Variants in USH2A observed in about 807,000 individuals in gnomAD.
USH2A encodes usherin.
Under a neutral mutation model 538.9 loss-of-function variants are expected in USH2A, and 443 were observed. The observed-to-expected ratio is 0.82, with a 90% CI of 0.76 to 0.89. USH2A has a LOEUF of 0.89. Ranked by LOEUF, USH2A falls within the 40% of genes least tolerant of loss-of-function variation. USH2A has a pLI of 0.00. For missense variants in USH2A, 6,633 were observed against 6,324.8 expected, an observed-to-expected ratio of 1.05 and a Z score of -1.65; for synonymous variants, 2,413 against 2,273.5, an observed-to-expected ratio of 1.06 and a Z score of -1.75.
At position 215,869,333 on chromosome 1, in the gene USH2A, C is replaced by T. The variant is rs922676811; in HGVS notation, c.8682-2163G>A. Among the ~76,000 whole-genome samples, 5 of 152,174 alleles carry T rather than the reference C, an allele frequency of 3.3e-5. No individual in the cohort carries two copies. In the East Asian group the frequency reaches 9.7e-4, roughly 29 times the overall value. On this transcript the variant is annotated intron_variant, in intron 43 of 71. Coordinates refer to ENST00000307340, the MANE Select transcript of USH2A (RefSeq NM_206933.4). ...ATGATAATAATAATAGTAATAATAACAATCATAATGATAATCTGTTCTGTC... is the reference window on the plus strand; with the variant it reads ...ATGATAATAATAATAGTAATAATAATAATCATAATGATAATCTGTTCTGTC...
chr1:215,845,915 C>A lies in USH2A; in HGVS notation c.8964G>T (p.Lys2988Asn), dbSNP rs1044594969. 2.5e-6 allele frequency: 4 copies of A among 1,613,732 alleles called. No individual in the cohort carries two copies. The highest frequency in any genetic ancestry group is 1.3e-5 in the African/African-American group (1 of 74,874). Residue 2988 changes from lysine to asparagine, a missense_variant, in exon 45 of 72, where the codon AAG (lysine) becomes AAT (asparagine). Physicochemically the swap from Lys to Asn is moderately conservative, Grantham distance 94. Transcript: ENST00000307340. The part of the protein sequence containing the change: ...DVNSHVIGHL[K>N]PNTEYWIFIS... ...TAAAGATCCAATACTCTGTGTTTGG[C>A]TTTAGGTGGCCAATGACATGAGAGT...
chr1:215,720,337 TG>T (rs1162216155), intron 61 of USH2A, among the ~76,000 whole-genome samples: 1 of 152,108 alleles, frequency 6.6e-6, no homozygotes, highest in Non-Finnish European at 1.5e-5. Context: ...GCCAGAAAAG[TG>T]AGATGAACAG....
intron 61 of USH2A, among the ~76,000 whole-genome samples, chr1:215,721,632 T>C (rs1386188939): frequency 6.6e-6 from 1 of 152,156 alleles, no homozygotes; most frequent in Non-Finnish European, 1.5e-5. Context: ...GTAGATTCTT[T>C]ATATGTATTT....
intron 64 of USH2A, among the ~76,000 whole-genome samples, chr1:215,652,976 T>C (rs1292533962): frequency 1.3e-5 from 2 of 152,074 alleles, no homozygotes; most frequent in Admixed American, 1.3e-4. Context: ...TGTGCACCAA[T>C]AGGAGATGGA....
chr1:216,182,027 A>G (rs542606013), intron 20 of USH2A, among the ~76,000 whole-genome samples: 1 of 152,232 alleles, frequency 6.6e-6, no homozygotes, highest in East Asian at 1.9e-4. Context: ...TCTAACTTCC[A>G]AAAGCTAAAG....
At chr1:216,117,803 CAT>C (rs1261176260) in intron 21 of USH2A, among the ~76,000 whole-genome samples, 1 of 149,314 alleles carries the variant, frequency 6.7e-6, no homozygotes, top group Admixed American at 6.8e-5. Context: ...CACAGACACA[CAT>C]ATATATATGT....
chr1:216,213,212 G>A (rs1464421892), intron 15 of USH2A, among the ~76,000 whole-genome samples: 1 of 151,924 alleles, frequency 6.6e-6, no homozygotes, highest in African/African-American at 2.4e-5. Flanking sequence ...GAACATTGCT[G>A]AATTTGTTTA....
chr1:215,874,180 A>AGATTT (rs1664696271), intron 43 of USH2A, among the ~76,000 whole-genome samples: 1 of 152,208 alleles, frequency 6.6e-6, no homozygotes, highest in Admixed American at 6.5e-5. Flanking sequence ...CACGTTCGCC[A>AGATTT]GATTTTCTAA....
At chr1:216,039,954 A>G (rs1490260095) in intron 32 of USH2A, among the ~76,000 whole-genome samples, 1 of 151,692 alleles carries the variant, frequency 6.6e-6, no homozygotes, top group Non-Finnish European at 1.5e-5. Flanking sequence ...ATTATTGCCT[A>G]TATGATTTTA....
intron 70 of USH2A, among the ~76,000 whole-genome samples, chr1:215,629,773 C>CT (rs34349385): frequency 0.052 from 6,462 of 124,982 alleles, 594 homozygotes; most frequent in African/African-American, 0.17. Context: ...CTTTTCTTTT[C>CT]TTTTTTTTTT....
chr1:215,773,107 A>G (rs1661340698), intron 55 of USH2A, among the ~76,000 whole-genome samples: 1 of 152,162 alleles, frequency 6.6e-6, no homozygotes, highest in African/African-American at 2.4e-5. Flanking sequence ...TTTTAGTAAA[A>G]AGCCCCAAAT....
At chr1:216,363,762 G>A (rs2038540766) in intron 4 of USH2A, among the ~76,000 whole-genome samples, 1 of 151,764 alleles carries the variant, frequency 6.6e-6, no homozygotes, top group South Asian at 2.1e-4. Flanking sequence ...TTTTAAATGA[G>A]AACATATATC....
chr1:216,050,368 C>T (rs1314629735), intron 30 of USH2A, among the ~76,000 whole-genome samples: 1 of 151,908 alleles, frequency 6.6e-6, no homozygotes, highest in Admixed American at 6.6e-5. Context: ...TTGCAGGCCT[C>T]ACATGTGAGA....
chr1:215,671,343 A>T, intron 63 of USH2A, 50 bp from the exon 64 acceptor site: 2 of 1,585,286 alleles, frequency 1.3e-6, no homozygotes, highest in Non-Finnish European at 1.7e-6. Flanking sequence ...ATAGATTTTC[A>T]TGGGAAGAAT....
intron 21 of USH2A, among the ~76,000 whole-genome samples, chr1:216,098,339 A>G (rs186894046): frequency 2.6e-5 from 4 of 152,380 alleles, no homozygotes; most frequent in Non-Finnish European, 5.9e-5. Context: ...GAATCAAATA[A>G]GAGCTCAAGA....
intron 40 of USH2A, among the ~76,000 whole-genome samples, chr1:215,895,881 A>G (rs2102466125): frequency 6.6e-6 from 1 of 152,306 alleles, no homozygotes; most frequent in South Asian, 2.1e-4. Flanking sequence ...TTTGTGTGGT[A>G]TAGCCTGTTG....
rs1440824446 is a variant in USH2A, at chr1:215,888,832, T to C, written c.7817A>G (p.Lys2606Arg). The change falls in exon 41 of 72, where the codon AAA becomes AGA. Residue 2606 changes from lysine to arginine, a missense_variant. Coordinates refer to ENST00000307340, the MANE Select transcript of USH2A (RefSeq NM_206933.4). ...YKFQVEACTS[K>R]GCSLSPESQT... Reference sequence around the variant, plus strand: ...GGACTCTGGTGAAAGGGAACATCCTTTTGAAGTGCAGGCTTCTACCTGAAA... The same window carrying C: ...GGACTCTGGTGAAAGGGAACATCCTCTTGAAGTGCAGGCTTCTACCTGAAA... The C allele has an allele frequency of 6.2e-7, 1 of 1,614,130 alleles. No individual in the cohort carries two copies. Among genetic ancestry groups the C allele is most frequent in the Non-Finnish European group, 8.5e-7 (1 of 1,179,990 alleles).
intron 23 of USH2A, among the ~76,000 whole-genome samples, chr1:216,088,635 A>T (rs2032206878): frequency 6.6e-6 from 1 of 152,182 alleles, no homozygotes. Context: ...TTAGGAAAAA[A>T]TATTTACTTT....
intron 3 of USH2A, among the ~76,000 whole-genome samples, chr1:216,387,479 A>G (rs1230797668): frequency 6.6e-6 from 1 of 152,240 alleles, no homozygotes; most frequent in Non-Finnish European, 1.5e-5. Context: ...TAAACTATCC[A>G]AGACCAATAT....
Sources: gnomAD v4.1 joint callset for allele counts (sites outside exome capture counted in the v4.1 genomes callset) on GRCh38, gnomAD v4.1.1 for gene constraint, MANE v1.5 for transcripts, NCBI Gene and HGNC (gene_info 2026-07-23, HGNC 2026-07-21) for gene names.